The following GMDS variants were observed in gnomAD, a reference collection of about 807,000 sequenced individuals.
GMDS encodes GDP-mannose 4,6 dehydratase.
GMDS carries 20 observed loss-of-function variants against 49.9 expected under a neutral mutation model. The ratio of observed to expected loss-of-function variants is 0.40; its 90% CI spans 0.28 to 0.58. The LOEUF (loss-of-function observed/expected upper bound fraction) is 0.58, where lower values mean the gene tolerates loss of function less well. Ranked by LOEUF, GMDS falls within the 20% of genes least tolerant of loss-of-function variation. The pLI is 0.42. For synonymous variants in GMDS, 177 were observed against 178.6 expected, an observed-to-expected ratio of 0.99 and a Z score of 0.07; for missense variants, 362 against 481.4, an observed-to-expected ratio of 0.75 and a Z score of 2.32.
chr6:1,854,568 T>C (rs1323016072), intron 7 of GMDS, among the ~76,000 whole-genome samples: 1 of 152,222 alleles, frequency 6.6e-6, no homozygotes, highest in Non-Finnish European at 1.5e-5. Context: ...TGGGTGCTTC[T>C]AGCAGGCAGA....
intron 9 of GMDS, among the ~76,000 whole-genome samples, chr6:1,665,239 C>A (rs1461782509): frequency 1.3e-5 from 2 of 152,180 alleles, no homozygotes; most frequent in African/African-American, 2.4e-5. Flanking sequence ...CTAATGCTAT[C>A]TCTCCCCCCT....
intron 9 of GMDS, among the ~76,000 whole-genome samples, chr6:1,656,423 C>G (rs949276555): frequency 3.9e-5 from 6 of 152,128 alleles, no homozygotes; most frequent in Non-Finnish European, 4.4e-5. Context: ...TATACATGGT[C>G]ATGTAGGATT....
At chr6:1,748,864 G>A (rs922014646) in intron 7 of GMDS, among the ~76,000 whole-genome samples, 1 of 152,202 alleles carries the variant, frequency 6.6e-6, no homozygotes, top group South Asian at 2.1e-4. Flanking sequence ...TTTTTTGAAT[G>A]ATACCCCTTA....
At chr6:1,879,834 G>A (rs1056709800) in intron 7 of GMDS, among the ~76,000 whole-genome samples, 1 of 152,142 alleles carries the variant, frequency 6.6e-6, no homozygotes, top group Non-Finnish European at 1.5e-5. Flanking sequence ...AGACCTCAGA[G>A]ATAGTACAGC....
At chr6:2,072,822 T>C (rs548933361) in intron 4 of GMDS, among the ~76,000 whole-genome samples, 1 of 152,204 alleles carries the variant, frequency 6.6e-6, no homozygotes, top group Non-Finnish European at 1.5e-5. Flanking sequence ...CTGAACCCCA[T>C]CTTCTTGTTC....
intron 7 of GMDS, among the ~76,000 whole-genome samples, chr6:1,854,726 G>A (rs1188107341): frequency 1.3e-5 from 2 of 152,196 alleles, no homozygotes; most frequent in African/African-American, 2.4e-5. Flanking sequence ...CCACATTCAT[G>A]AGCAGCCTTA....
At chr6:2,017,788 T>C (rs1267068221) in intron 4 of GMDS, among the ~76,000 whole-genome samples, 1 of 152,054 alleles carries the variant, frequency 6.6e-6, no homozygotes, top group Non-Finnish European at 1.5e-5. Flanking sequence ...ACTGCATTCT[T>C]AACAACAAAG....
intron 4 of GMDS, among the ~76,000 whole-genome samples, chr6:2,082,842 A>G (rs143799092): frequency 4.7e-4 from 71 of 152,376 alleles, no homozygotes; most frequent in Non-Finnish European, 9.7e-4. Flanking sequence ...CAAAATATTT[A>G]TCTAATTCAA....
intron 9 of GMDS, among the ~76,000 whole-genome samples, chr6:1,719,094 C>T (rs539456384): frequency 1.3e-5 from 2 of 152,248 alleles, no homozygotes; most frequent in East Asian, 1.9e-4. Context: ...TGAGTAACAG[C>T]GGAATGAAAC....
intron 1 of GMDS, among the ~76,000 whole-genome samples, chr6:2,208,600 T>A (rs1779916352): frequency 6.6e-6 from 1 of 152,182 alleles, no homozygotes; most frequent in African/African-American, 2.4e-5. Context: ...TAGATGCTTC[T>A]AAGAAACTGT....
At chr6:1,696,809 G>T (rs575015653) in intron 9 of GMDS, among the ~76,000 whole-genome samples, 1 of 152,234 alleles carries the variant, frequency 6.6e-6, no homozygotes, top group Non-Finnish European at 1.5e-5. Flanking sequence ...AGGAAGGGAC[G>T]TGAGTGGCTG....
At chr6:2,110,901 C>T (rs1012399279) in intron 4 of GMDS, among the ~76,000 whole-genome samples, 10 of 151,896 alleles carry the variant, frequency 6.6e-5, no homozygotes, top group African/African-American at 2.2e-4. Context: ...AAATCCTTTT[C>T]AAAACTAAAA....
At chr6:1,855,843 A>AACCTTCTCTTTTCTATCTGCTACT (rs1757914915) in intron 7 of GMDS, among the ~76,000 whole-genome samples, 1 of 152,220 alleles carries the variant, frequency 6.6e-6, no homozygotes. Context: ...CATACAGTCT[A>AACCTTCTCTTTTCTATCTGCTACT]ACCTTCTCTT....
intron 4 of GMDS, among the ~76,000 whole-genome samples, chr6:1,974,155 A>G (rs1232260977): frequency 6.6e-6 from 1 of 152,176 alleles, no homozygotes; most frequent in Non-Finnish European, 1.5e-5. Flanking sequence ...ATATTAAAAA[A>G]AAAAAACCTA....
chr6:1,827,201 C>T (rs1337447712), intron 7 of GMDS, among the ~76,000 whole-genome samples: 4 of 148,624 alleles, frequency 2.7e-5, no homozygotes, highest in Non-Finnish European at 5.9e-5. Context: ...TATATGTATC[C>T]TGGATACACA....
intron 7 of GMDS, among the ~76,000 whole-genome samples, chr6:1,918,307 T>C (rs1409000941): frequency 1.3e-5 from 2 of 152,190 alleles, no homozygotes; most frequent in Non-Finnish European, 2.9e-5. Context: ...AATGAGCTGA[T>C]GTCAATATCA....
chr6:2,176,141 C>G (rs778994745), intron 1 of GMDS: 7 of 579,746 alleles, frequency 1.2e-5, no homozygotes, highest in Non-Finnish European at 2.1e-5. Context: ...ACTGCCTCCC[C>G]ACATCAGTTA....
chr6:2,209,570 TACACACACAC>T (rs61216869), intron 1 of GMDS, among the ~76,000 whole-genome samples: 183 of 135,988 alleles, frequency 1.3e-3, no homozygotes, highest in African/African-American at 4.6e-3. Flanking sequence ...CACATACACA[TACACACACAC>T]ACACACACAC....
intron 7 of GMDS, among the ~76,000 whole-genome samples, chr6:1,750,105 A>G (rs1335139725): frequency 2.6e-5 from 4 of 152,192 alleles, no homozygotes; most frequent in African/African-American, 7.2e-5. Flanking sequence ...GGCTGGGACT[A>G]AAGGACTGAG....
Sources: gnomAD v4.1 joint callset for allele counts (sites outside exome capture counted in the v4.1 genomes callset) on GRCh38, gnomAD v4.1.1 for gene constraint, MANE v1.5 for transcripts, NCBI Gene and HGNC (gene_info 2026-07-23, HGNC 2026-07-21) for gene names.